CAD: variants seen among roughly 807,000 people sequenced by gnomAD.
CAD encodes multifunctional protein CAD.
Under a neutral mutation model 237.2 loss-of-function variants are expected in CAD, and 81 were observed. The observed-to-expected ratio is 0.34, with a 90% CI of 0.29 to 0.41. The LOEUF is 0.41. Among genes scored for constraint, CAD ranks in the 10% least tolerant of loss-of-function variants. The pLI, the probability that CAD is intolerant of heterozygous loss-of-function variation, is 1.00. For synonymous variants in CAD, 1,196 were observed against 1,162.8 expected (o/e 1.03, Z -0.58); for missense variants, 2,181 against 2,951.7 (o/e 0.74, Z 6.05).
chr2:27,229,913 T>C (rs1168248195), intron 15 of CAD, among the ~76,000 whole-genome samples: 1 of 149,832 alleles, frequency 6.7e-6, no homozygotes. Context: ...GTCCTTCAGT[T>C]AGTAGTTAAA....
At chr2:27,225,303 CTTTTTTTTTTTTT>C in intron 11 of CAD, 60 bp downstream of exon 11, 3 of 542,022 alleles carry the variant, frequency 5.5e-6, no homozygotes, top group Non-Finnish European at 9.0e-6. Flanking sequence ...GTGTTATTTT[CTTTTTTTTTTTTT>C]TTTTTTTGAG....
intron 15 of CAD, 77 bp from the exon 16 acceptor site, chr2:27,231,391 C>A: frequency 1.2e-6 from 1 of 815,770 alleles, no homozygotes; most frequent in South Asian, 1.4e-5. Context: ...GACTATAAAC[C>A]ATAAGCATTA....
In CAD at chr2:27,242,839, G is replaced by A. The variant is rs376248606; in HGVS notation, c.6379-33G>A. ...GTGGGTTGGGCAGTCAGAGCCCAGCGCTGCATCCACCATGGCTCTCCTCAC... is the reference window on the plus strand; with the variant it reads ...GTGGGTTGGGCAGTCAGAGCCCAGCACTGCATCCACCATGGCTCTCCTCAC... On this transcript the variant is annotated intron_variant, in intron 41 of 43. Coordinates refer to ENST00000264705, the MANE Select transcript of CAD (RefSeq NM_004341.5). This position sits in a 1 kb window ranked among gnomAD's most constrained non-coding sequence, Gnocchi z 6.4. 5.6e-5 allele frequency: 90 copies of A among 1,612,616 alleles called. No individual in the cohort carries two copies. Among genetic ancestry groups the A allele is most frequent in the Non-Finnish European group, 3.7e-5 (44 of 1,178,708 alleles).
rs1312570709 is a variant in CAD, at chr2:27,224,521, CG to C, written c.1254+32del. On this transcript the variant is annotated intron_variant, in intron 9 of 43. Coordinates refer to ENST00000264705, the MANE Select transcript of CAD (RefSeq NM_004341.5). Reference sequence around the variant, plus strand: ...GCATGTTCCTCCCCACCCTTCTGGGCGTGTGACCCTCAAGAATGGAAAGGGT... The same window carrying C: ...GCATGTTCCTCCCCACCCTTCTGGGCTGTGACCCTCAAGAATGGAAAGGGT... 8 of 1,606,302 alleles carry C rather than the reference CG, an allele frequency of 5.0e-6. No homozygotes were observed. In the African/African-American group the frequency reaches 6.7e-5, roughly 13 times the overall value.
At chr2:27,225,313 T>C (rs1572428277) in intron 11 of CAD, 70 bp downstream of exon 11, 1 of 981,278 alleles carries the variant, frequency 1.0e-6, no homozygotes, top group Non-Finnish European at 1.5e-6. Flanking sequence ...CTTTTTTTTT[T>C]TTTTTTTTTT....
At position 27,222,703 on chromosome 2, in the gene CAD, G is replaced by A. The variant is rs1470373382; in HGVS notation, c.637+43G>A. 5 of 1,601,268 alleles carry A rather than the reference G, an allele frequency of 3.1e-6. No homozygotes were observed. The African/African-American group carries it at 6.7e-5, about 21-fold the overall frequency. On this transcript the variant is annotated intron_variant, in intron 5 of 43. Transcript: ENST00000264705. The stretch of plus-strand genomic sequence containing the variant: ...GTTCAGGGCCTCAGACAAGCAGCTT[G>A]GGTGGAAGATCTATCCCTTGGTCCA...
At position 27,233,534 on chromosome 2, in the gene CAD, G is replaced by A. The variant is rs774509942; in HGVS notation, c.3214G>A (p.Glu1072Lys). ...TCAGTGGAGGGAGCTCAGTGACCTC[G>A]AGGTGGGCTGGGACCTGGTGGGTTA... is the stretch of plus-strand genomic sequence containing the variant. ...QPQWRELSDLESARQFCQTVG... is the reference protein window; with the variant it reads ...QPQWRELSDLKSARQFCQTVG... Residue 1072 changes from glutamate (E) to lysine (K), a missense_variant and splice_region_variant, in exon 20 of 44, where the codon GAG becomes AAG. Transcript: ENST00000264705. This position sits in a 1 kb window ranked among gnomAD's most constrained non-coding sequence, Gnocchi z 6.3. The A allele has an allele frequency of 1.9e-5, 31 of 1,614,006 alleles. No individual in the cohort carries two copies. The highest frequency in any genetic ancestry group is 2.3e-5 in the Non-Finnish European group (27 of 1,180,008).
rs753243631 is a variant in CAD at position 27,226,940 on chromosome 2, TG to T, written c.2268del (p.Ser757AlafsTer3). 1 of 1,614,164 alleles carries T rather than the reference TG, an allele frequency of 6.2e-7. No individual in the cohort carries two copies. Among genetic ancestry groups the T allele is most frequent in the Non-Finnish European group, 8.5e-7 (1 of 1,180,022 alleles). On this transcript the variant is annotated frameshift_variant, in exon 15 of 44. Coordinates refer to ENST00000264705, the MANE Select transcript of CAD (RefSeq NM_004341.5). LOFTEE classifies it high-confidence loss of function. The part of the protein sequence containing the change: ...SKFLRVSTKI[G>X]SCMKSVGEVM... ...AGTTCCTGCGAGTCAGCACAAAGAT[TG>T]GGAGCTGCATGAAGAGCGTTGGTGA...
chr2:27,241,259 G>A lies in CAD; in HGVS notation c.5808+32G>A, dbSNP rs749632549. 1 of 1,613,662 alleles carries A rather than the reference G, an allele frequency of 6.2e-7. No individual in the cohort carries two copies. The highest frequency in any genetic ancestry group is 2.2e-5 in the East Asian group (1 of 44,876). On this transcript the variant is annotated intron_variant, in intron 37 of 43. Transcript: ENST00000264705. The surrounding 1 kb of genome is among the most constrained non-coding windows in gnomAD (Gnocchi z 4.6). ...GGGGCAGGGAGGATGGGACCACCCAGAGCTTTGAGGATTTGGAAAGCTGGG... is the reference window on the plus strand; with the variant it reads ...GGGGCAGGGAGGATGGGACCACCCAAAGCTTTGAGGATTTGGAAAGCTGGG...
chr2:27,222,353 G>A lies in CAD; in HGVS notation c.495+17G>A, dbSNP rs1462475854. On this transcript the variant is annotated intron_variant, in intron 4 of 43. Transcript: ENST00000264705. The stretch of plus-strand genomic sequence containing the variant: ...TCCATTAAGGTACAGAGGTAGAGTG[G>A]GAGAGTGTTGCAAGCTCTAGCACAG... The A allele has an allele frequency of 2.5e-6, 4 of 1,601,898 alleles. No homozygotes were observed. In the African/African-American group the frequency reaches 4.0e-5, roughly 16 times the overall value.
In CAD at chr2:27,239,937, A is replaced by AT; in HGVS notation, c.5496+146dup. 1.5e-6 allele frequency: 1 copy of AT among 663,224 alleles called. No individual in the cohort carries two copies. Among genetic ancestry groups the AT allele is most frequent in the Non-Finnish European group, 2.5e-6 (1 of 405,184 alleles). The allele number at this position is 663,224 out of a possible 1,614,324, so 41.1% of individuals were successfully genotyped here. Reference sequence around the variant, plus strand: ...AATTTGAAGTGGGGTTGGGTCAATTATTTTTTTAAAATGCTGGGCCAGGCC... The same window carrying AT: ...AATTTGAAGTGGGGTTGGGTCAATTATTTTTTTTAAAATGCTGGGCCAGGCC... On this transcript the variant is annotated intron_variant, in intron 34 of 43. Transcript: ENST00000264705. The surrounding 1 kb of genome is among the most constrained non-coding windows in gnomAD (Gnocchi z 4.0).
In CAD at chr2:27,239,671, C is replaced by G. The variant is rs368907278; in HGVS notation, c.5395-26C>G. 7.8e-5 allele frequency: 121 copies of G among 1,550,194 alleles called. No individual in the cohort carries two copies. Among genetic ancestry groups the G allele is most frequent in the Non-Finnish European group, 1.1e-4 (121 of 1,141,984 alleles). Reference sequence around the variant, plus strand: ...GGACCTGAGTTCTCTCTGCTCCCTCCTGAGTGCCCTGCCTTCTGCCTGCAG... The same window carrying G: ...GGACCTGAGTTCTCTCTGCTCCCTCGTGAGTGCCCTGCCTTCTGCCTGCAG... On this transcript the variant is annotated intron_variant, in intron 33 of 43. Coordinates refer to ENST00000264705, the MANE Select transcript of CAD (RefSeq NM_004341.5). The surrounding 1 kb of genome is among the most constrained non-coding windows in gnomAD (Gnocchi z 4.0).
At chr2:27,243,009 TG>T (rs1676397435) in intron 42 of CAD, 36 bp downstream of exon 42, 7 of 1,524,498 alleles carry the variant, frequency 4.6e-6, no homozygotes, top group Non-Finnish European at 6.3e-6. Context: ...CCAGGGCTGC[TG>T]CCGTAGGGCA....
intron 11 of CAD, 63 bp downstream of exon 11, chr2:27,225,306 T>C: frequency 1.2e-5 from 8 of 680,804 alleles, no homozygotes; most frequent in Non-Finnish European, 4.3e-6. Context: ...TTATTTTCTT[T>C]TTTTTTTTTT....
At position 27,242,184 on chromosome 2, in the gene CAD, C is replaced by G. The variant is rs913101077; in HGVS notation, c.6096+61C>G. ...AGGCTGGACCCAGGGGCATGAGAAC[C>G]CTTCTGCCCACGTTTTCTGTGTTTT... On this transcript the variant is annotated intron_variant, in intron 39 of 43. Transcript: ENST00000264705. The surrounding 1 kb of genome is among the most constrained non-coding windows in gnomAD (Gnocchi z 6.4). 2.5e-6 allele frequency: 4 copies of G among 1,589,576 alleles called. No homozygotes were observed. Among genetic ancestry groups the G allele is most frequent in the East Asian group, 2.2e-5 (1 of 44,454 alleles).
rs374737193 is a variant in CAD, at chr2:27,234,003, G to A, written c.3400-5G>A. 2.6e-5 allele frequency: 42 copies of A among 1,612,922 alleles called. No individual in the cohort carries two copies. The highest frequency in any genetic ancestry group is 5.3e-5 in the African/African-American group (4 of 74,900). ...TATGTCCCACTGTCTGTGTCCCCCC[G>A]CTAGGAGATTGACGTGGATGCCGTG... On this transcript the variant is annotated splice_polypyrimidine_tract_variant and splice_region_variant and intron_variant, in intron 21 of 43. Transcript: ENST00000264705.
Position 27,240,330 on chromosome 2 carries a change from A to T in CAD, c.5562A>T (p.Arg1854=). The change falls in exon 35 of 44, where the codon CGA becomes CGT. Residue 1854 remains arginine (R), a synonymous_variant. Coordinates refer to ENST00000264705, the MANE Select transcript of CAD (RefSeq NM_004341.5). The surrounding 1 kb of genome is among the most constrained non-coding windows in gnomAD (Gnocchi z 4.6). Reference sequence around the variant, plus strand: ...ATGGCCGCTTCCATCTGCCGCCCCGAATCCATCGAGCCTCCGACCCAGGTT... The same window carrying T: ...ATGGCCGCTTCCATCTGCCGCCCCGTATCCATCGAGCCTCCGACCCAGGTT... ...LPDGRFHLPP[R]IHRASDPGLP... is the part of the protein sequence containing the mutation. 6.2e-7 allele frequency: 1 copy of T among 1,613,996 alleles called. No homozygotes were observed. Among genetic ancestry groups the T allele is most frequent in the Non-Finnish European group, 8.5e-7 (1 of 1,179,990 alleles).
At chr2:27,243,366 C>T in intron 43 of CAD, 50 bp from the exon 44 acceptor site, 1 of 1,601,994 alleles carries the variant, frequency 6.2e-7, no homozygotes, top group Non-Finnish European at 8.5e-7. Context: ...GACAAGCCAT[C>T]CATGGGCTGC....
intron 15 of CAD, chr2:27,227,535 A>G (rs1249542162): frequency 6.6e-6 from 1 of 152,282 alleles, no homozygotes; most frequent in Non-Finnish European, 1.5e-5. Flanking sequence ...CCTTTAAACA[A>G]GTAAGTCTAA....
Sources: gnomAD v4.1 joint callset for allele counts (sites outside exome capture counted in the v4.1 genomes callset) on GRCh38, gnomAD v4.1.1 for gene constraint, Gnocchi (gnomAD v3.1) non-coding constraint, MANE v1.5 for transcripts, NCBI Gene and HGNC (gene_info 2026-07-23, HGNC 2026-07-21) for gene names.